Variants in BRIP1 observed in about 807,000 individuals in gnomAD.
The protein encoded by BRIP1 is Fanconi anemia group J protein.
In BRIP1, 88 loss-of-function variants were observed where a neutral mutation model predicts 119.7. The observed-to-expected ratio is 0.74, with a 90% CI of 0.62 to 0.88. The LOEUF is 0.88. BRIP1 is among the 40% of genes least tolerant of loss of function. BRIP1 has a pLI of 0.00. For synonymous variants in BRIP1, 443 were observed against 496.5 expected, an observed-to-expected ratio of 0.89 and a Z score of 1.43; for missense variants, 1,259 against 1,455.4, an observed-to-expected ratio of 0.87 and a Z score of 2.20.
rs970245643 is a variant in BRIP1 at position 61,772,575 on chromosome 17, T to C, written c.2097+3826A>G. On this transcript the variant is annotated intron_variant, in intron 14 of 19. Coordinates refer to ENST00000259008, the MANE Select transcript of BRIP1 (RefSeq NM_032043.3). ...GGCTCACGCCTGTAATCCCAGCACT[T>C]TGGGAGGCCAAGGCGGGCAGATCAT... Among the ~76,000 whole-genome samples, 92 of 152,124 alleles carry C rather than the reference T, an allele frequency of 6.0e-4. 1 individual carries two copies. Among genetic ancestry groups the C allele is most frequent in the African/African-American group, 2.0e-3 (85 of 41,516 alleles).
intron 19 of BRIP1, chr17:61,685,544 G>C (rs1008109975): frequency 4.3e-6 from 2 of 464,520 alleles, no homozygotes; most frequent in Admixed American, 3.9e-5. Flanking sequence ...GGATAGCTAG[G>C]CAGGCATTTT....
intron 4 of BRIP1, among the ~76,000 whole-genome samples, chr17:61,850,381 G>A (rs555924372): frequency 2.0e-5 from 3 of 151,984 alleles, no homozygotes; most frequent in East Asian, 2.0e-4. Flanking sequence ...GATTACAGGC[G>A]TGAGCCACCG....
Position 61,846,242 on chromosome 17 carries a change from G to GAA in BRIP1, c.627+857_627+858dup, listed in dbSNP as rs1043153943. Among the ~76,000 whole-genome samples, 15 of 123,550 alleles carry GAA rather than the reference G, an allele frequency of 1.2e-4. No homozygotes were observed. The highest frequency in any genetic ancestry group is 2.2e-4 in the Non-Finnish European group (15 of 67,262). 81.1% of individuals were successfully genotyped at this position (123,550 alleles called of 152,430 possible). ...ATATACATATAGAGAGAGAGAGAGA[G>GAA]AAAAAGAGAGAGAGAGAGAAAGAGA... is the stretch of plus-strand genomic sequence containing the variant. On this transcript the variant is annotated intron_variant, in intron 6 of 19. Transcript: ENST00000259008. This position sits in a 1 kb window ranked among gnomAD's most constrained non-coding sequence, Gnocchi z 4.3.
At chr17:61,855,313 C>T (rs2078880377) in intron 4 of BRIP1, among the ~76,000 whole-genome samples, 1 of 152,162 alleles carries the variant, frequency 6.6e-6, no homozygotes, top group Non-Finnish European at 1.5e-5. Context: ...CGTGGTCGCT[C>T]ACGCCTATAA....
At chr17:61,728,048 C>CA in intron 16 of BRIP1, among the ~76,000 whole-genome samples, 1 of 151,908 alleles carries the variant, frequency 6.6e-6, no homozygotes. Context: ...AGGCTGGTCT[C>CA]AAACTCCTGA....
Position 61,770,270 on chromosome 17 carries a change from TACC to T in BRIP1, c.2097+6128_2097+6130del, listed in dbSNP as rs2077429177. On this transcript the variant is annotated intron_variant, in intron 14 of 19. Coordinates refer to ENST00000259008, the MANE Select transcript of BRIP1 (RefSeq NM_032043.3). The surrounding 1 kb of genome is among the most constrained non-coding windows in gnomAD (Gnocchi z 4.7). ...AAGATGCTTCCTGTTCCCCATACCT[TACC>T]ACCACATCAACAGGGCTCCAGTATA... Among the ~76,000 whole-genome samples the T allele has an allele frequency of 6.6e-6, 1 of 152,190 alleles. No individual in the cohort carries two copies. Among genetic ancestry groups the T allele is most frequent in the African/African-American group, 2.4e-5 (1 of 41,460 alleles).
chr17:61,833,197 A>G (rs2078518204), intron 6 of BRIP1, among the ~76,000 whole-genome samples: 1 of 152,142 alleles, frequency 6.6e-6, no homozygotes, highest in Non-Finnish European at 1.5e-5. Context: ...GTTGCTATAC[A>G]TATTTATTTC....
intron 4 of BRIP1, among the ~76,000 whole-genome samples, chr17:61,855,697 T>C (rs2078887106): frequency 6.6e-6 from 1 of 152,062 alleles, no homozygotes; most frequent in South Asian, 2.1e-4. Flanking sequence ...ATTCCTATAA[T>C]TAGCTGAAAA....
In BRIP1 at chr17:61,834,459, A is replaced by G. The variant is rs2078541238; in HGVS notation, c.627+12642T>C. On this transcript the variant is annotated intron_variant, in intron 6 of 19. Transcript: ENST00000259008. The surrounding 1 kb of genome is among the most constrained non-coding windows in gnomAD (Gnocchi z 4.4). ...CTATGGTGGAAATGTTTACATATATACTCAGTTGATACTGGGTATATATGT... is the reference window on the plus strand; with the variant it reads ...CTATGGTGGAAATGTTTACATATATGCTCAGTTGATACTGGGTATATATGT... Among the ~76,000 whole-genome samples the G allele has an allele frequency of 2.6e-5, 4 of 152,188 alleles. No homozygotes were observed. In the South Asian group the frequency reaches 8.3e-4, roughly 32 times the overall value.
intron 10 of BRIP1, among the ~76,000 whole-genome samples, chr17:61,786,912 T>C (rs1278133325): frequency 2.2e-5 from 1 of 44,678 alleles, no homozygotes. Flanking sequence ...ATAATGTAAA[T>C]ATAAAAATAT....
intron 18 of BRIP1, among the ~76,000 whole-genome samples, chr17:61,692,093 G>A (rs1406053269): frequency 5.3e-4 from 81 of 152,210 alleles, no homozygotes; most frequent in Non-Finnish European, 1.2e-4. Flanking sequence ...TGGGTCATGG[G>A]GACAGAACCC....
chr17:61,792,957 G>C (rs1356799748), intron 10 of BRIP1, among the ~76,000 whole-genome samples: 1 of 152,122 alleles, frequency 6.6e-6, no homozygotes, highest in Non-Finnish European at 1.5e-5. Context: ...CTGGGAGTGA[G>C]AGTATATGAG....
chr17:61,784,367 C>T lies in BRIP1; in HGVS notation c.1531G>A (p.Glu511Lys). Reference protein sequence around the residue: ...EEKISPIYGKEEAREVPVISA... With the variant: ...EEKISPIYGKKEAREVPVISA... ...ATAACAGGTACTTCTCTTGCCTCCT[C>T]TTTACCATAAATTGGTGAGATTTTT... is the stretch of plus-strand genomic sequence containing the variant. Residue 511 changes from glutamate to lysine, a missense_variant, in exon 11 of 20, where the codon GAG becomes AAG. By Grantham distance (56) the Glu-to-Lys change is moderately conservative. Around this residue, in one of 3 missense-constraint regions of BRIP1, gnomAD observed 753 missense variants for 891.8 expected, o/e 0.84. Coordinates refer to ENST00000259008, the MANE Select transcript of BRIP1 (RefSeq NM_032043.3). The T allele has an allele frequency of 6.2e-7, 1 of 1,613,462 alleles. No homozygotes were observed. The highest frequency in any genetic ancestry group is 8.5e-7 in the Non-Finnish European group (1 of 1,179,522).
chr17:61,744,416 A>G lies in BRIP1; in HGVS notation c.2257+16T>C, dbSNP rs1274250579. 1 of 1,611,440 alleles carries G rather than the reference A, an allele frequency of 6.2e-7. No homozygotes were observed. The highest frequency in any genetic ancestry group is 8.5e-7 in the Non-Finnish European group (1 of 1,177,900). ...AAAAATATTTTTTCACCGACCATGA[A>G]ATAATTTCCAGTTACCTTTCTCTCC... On this transcript the variant is annotated intron_variant, in intron 15 of 19. Coordinates refer to ENST00000259008, the MANE Select transcript of BRIP1 (RefSeq NM_032043.3). This position sits in a 1 kb window ranked among gnomAD's most constrained non-coding sequence, Gnocchi z 5.0.
Position 61,807,002 on chromosome 17 carries a change from T to C in BRIP1, c.918+1465A>G, listed in dbSNP as rs991689803. ...ACCATCAGGCCCAGCCAATGTATTT[T>C]TTACAAATACATAATTAATTTCCCC... On this transcript the variant is annotated intron_variant, in intron 7 of 19. Coordinates refer to ENST00000259008, the MANE Select transcript of BRIP1 (RefSeq NM_032043.3). This position sits in a 1 kb window ranked among gnomAD's most constrained non-coding sequence, Gnocchi z 4.5. Among the ~76,000 whole-genome samples, 1 of 152,152 alleles carries C rather than the reference T, an allele frequency of 6.6e-6. No homozygotes were observed. The highest frequency in any genetic ancestry group is 1.5e-5 in the Non-Finnish European group (1 of 68,036).
rs2077957228 is a variant in BRIP1 at position 61,799,460 on chromosome 17, T to C, written c.1141-161A>G. On this transcript the variant is annotated intron_variant, in intron 8 of 19. Transcript: ENST00000259008. The surrounding 1 kb of genome is among the most constrained non-coding windows in gnomAD (Gnocchi z 5.1). The stretch of plus-strand genomic sequence containing the variant: ...GTCTTAAATAAAACTTCTGAAGCAC[T>C]ATGGCCAACCAAATATCAGCTCTAC... Among the ~76,000 whole-genome samples, 1 of 152,182 alleles carries C rather than the reference T, an allele frequency of 6.6e-6. No individual in the cohort carries two copies. The highest frequency in any genetic ancestry group is 2.4e-5 in the African/African-American group (1 of 41,454).
At position 61,700,473 on chromosome 17, in the gene BRIP1, T is replaced by C. The variant is rs982873023; in HGVS notation, c.2493-6961A>G. On this transcript the variant is annotated intron_variant, in intron 17 of 19. Transcript: ENST00000259008. The surrounding 1 kb of genome is among the most constrained non-coding windows in gnomAD (Gnocchi z 4.1). ...AAGGACAGTTTTGTTAGATATAGTATTCTTGGTTGACAGTCATTTTCTTTC... is the reference window on the plus strand; with the variant it reads ...AAGGACAGTTTTGTTAGATATAGTACTCTTGGTTGACAGTCATTTTCTTTC... 6.6e-6 allele frequency among the ~76,000 whole-genome samples: 1 copy of C among 152,194 alleles called. No homozygotes were observed. Among genetic ancestry groups the C allele is most frequent in the Non-Finnish European group, 1.5e-5 (1 of 68,034 alleles).
intron 14 of BRIP1, among the ~76,000 whole-genome samples, chr17:61,772,475 T>C (rs899207086): frequency 2.6e-5 from 4 of 151,866 alleles, no homozygotes; most frequent in African/African-American, 7.3e-5. Flanking sequence ...TGAAAATAGA[T>C]AGTGGTCTTG....
chr17:61,788,860 G>A (rs1057197885), intron 10 of BRIP1, among the ~76,000 whole-genome samples: 5 of 152,050 alleles, frequency 3.3e-5, no homozygotes, highest in Admixed American at 2.0e-4. Context: ...TTGAAAGACC[G>A]AGGCGGGTGG....
Sources: allele counts gnomAD v4.1 joint callset (sites outside exome capture counted in the v4.1 genomes callset), GRCh38; gene constraint gnomAD v4.1.1; regional missense constraint gnomAD v4.1.1; non-coding constraint Gnocchi (gnomAD v3.1); transcripts MANE v1.5; gene names NCBI Gene and HGNC (gene_info 2026-07-23, HGNC 2026-07-21).